Variants in LOC400499 observed in about 807,000 individuals in gnomAD.
the LOC400499 span, among the ~76,000 whole-genome samples, chr16:11,518,556 G>A: frequency 6.6e-6 from 1 of 152,098 alleles, no homozygotes; most frequent in African/African-American, 2.4e-5. Flanking sequence ...ATCGGCAGGT[G>A]TGAAATCTGG....
At chr16:11,427,909 G>A in the LOC400499 span, among the ~76,000 whole-genome samples, 1 of 152,166 alleles carries the variant, frequency 6.6e-6, no homozygotes, top group African/African-American at 2.4e-5. Context: ...AACTCACTCT[G>A]AAAAGCGTCA....
chr16:11,438,913 A>C, the LOC400499 span, among the ~76,000 whole-genome samples: 1 of 152,172 alleles, frequency 6.6e-6, no homozygotes, highest in Non-Finnish European at 1.5e-5. Flanking sequence ...TGGGCAACAT[A>C]GTGAGACCCC....
At chr16:11,501,475 GC>G in the LOC400499 span, among the ~76,000 whole-genome samples, 1 of 152,082 alleles carries the variant, frequency 6.6e-6, no homozygotes, top group African/African-American at 2.4e-5. Flanking sequence ...CTCCCACTCA[GC>G]CTCCCAAGTA....
chr16:11,382,979 AC>A, the LOC400499 span, among the ~76,000 whole-genome samples: 1 of 152,124 alleles, frequency 6.6e-6, no homozygotes, highest in Non-Finnish European at 1.5e-5. Context: ...CTGTACAAGC[AC>A]GCCTCCAGCA....
chr16:11,403,052 C>A, the LOC400499 span, among the ~76,000 whole-genome samples: 1 of 152,008 alleles, frequency 6.6e-6, no homozygotes, highest in African/African-American at 2.4e-5. Flanking sequence ...TTCCTCTGTC[C>A]CCCAGGTGAG....
the LOC400499 span, among the ~76,000 whole-genome samples, chr16:11,526,427 T>C: frequency 2.0e-5 from 3 of 152,338 alleles, no homozygotes; most frequent in East Asian, 5.8e-4. Context: ...CAAATATGTT[T>C]GAAACAACTT....
the LOC400499 span, among the ~76,000 whole-genome samples, chr16:11,459,009 C>T: frequency 6.6e-5 from 10 of 151,308 alleles, no homozygotes; most frequent in African/African-American, 2.4e-4. Flanking sequence ...TGCACTCCAG[C>T]CTGGGCGACA....
chr16:11,491,415 T>C, the LOC400499 span, among the ~76,000 whole-genome samples: 1 of 152,128 alleles, frequency 6.6e-6, no homozygotes, highest in Non-Finnish European at 1.5e-5. Context: ...GCCTCACTGA[T>C]TCCCATCCTA....
chr16:11,412,393 A>G, the LOC400499 span, among the ~76,000 whole-genome samples: 2 of 152,194 alleles, frequency 1.3e-5, no homozygotes, highest in Non-Finnish European at 2.9e-5. Context: ...CTTTGCTGAA[A>G]GTCCCTGGGG....
At chr16:11,497,781 AC>A in the LOC400499 span, among the ~76,000 whole-genome samples, 1 of 152,178 alleles carries the variant, frequency 6.6e-6, no homozygotes, top group Non-Finnish European at 1.5e-5. Context: ...TTTCACAAAA[AC>A]CAGAAACCAC....
the LOC400499 span, among the ~76,000 whole-genome samples, chr16:11,386,495 G>A: frequency 6.6e-6 from 1 of 152,336 alleles, no homozygotes; most frequent in Middle Eastern, 3.4e-3. Context: ...CTGGGCCTGG[G>A]TGTGAGTCCC....
At chr16:11,457,687 G>A in the LOC400499 span, among the ~76,000 whole-genome samples, 7 of 151,228 alleles carry the variant, frequency 4.6e-5, no homozygotes, top group Non-Finnish European at 1.0e-4. Flanking sequence ...GCAATAGAAA[G>A]AATCGAAAGC....
At chr16:11,389,901 C>T in the LOC400499 span, among the ~76,000 whole-genome samples, 1 of 152,106 alleles carries the variant, frequency 6.6e-6, no homozygotes, top group Non-Finnish European at 1.5e-5. Context: ...CTCCTGAAAT[C>T]CTGCCTACCC....
chr16:11,411,914 G>A, the LOC400499 span, among the ~76,000 whole-genome samples: 1 of 151,076 alleles, frequency 6.6e-6, no homozygotes, highest in Non-Finnish European at 1.5e-5. Flanking sequence ...CCAGGCTGGA[G>A]TGCAGTGGTG....
chr16:11,426,702 G>A, the LOC400499 span, among the ~76,000 whole-genome samples: 1 of 151,772 alleles, frequency 6.6e-6, no homozygotes, highest in Non-Finnish European at 1.5e-5. Flanking sequence ...GTTGAGGTAG[G>A]AGGATTGTTT....
the LOC400499 span, chr16:11,515,884 C>CCCCCCCCCCCCCCCCCA: frequency 2.5e-5 from 1 of 40,212 alleles, no homozygotes; most frequent in East Asian, 1.3e-4. Context: ...CAGCCCAGCC[C>CCCCCCCCCCCCCCCCCA]AGCCCAGCCT....
chr16:11,374,538 A>C, the LOC400499 span, among the ~76,000 whole-genome samples: 3 of 152,146 alleles, frequency 2.0e-5, no homozygotes, highest in Admixed American at 2.0e-4. Context: ...GTCTCTATGA[A>C]ACTTATTACT....
At chr16:11,508,431 G>A in the LOC400499 span, among the ~76,000 whole-genome samples, 11 of 152,222 alleles carry the variant, frequency 7.2e-5, no homozygotes, top group Admixed American at 6.5e-4. Context: ...ATTAGACTGT[G>A]AGTCAAAAGG....
At chr16:11,477,481 G>A in the LOC400499 span, among the ~76,000 whole-genome samples, 2 of 152,216 alleles carry the variant, frequency 1.3e-5, no homozygotes, top group African/African-American at 4.8e-5. Context: ...GAAGCACCAG[G>A]CTTGGTTGGT....
Sources: gnomAD v4.1 joint callset for allele counts (sites outside exome capture counted in the v4.1 genomes callset) on GRCh38, gnomAD v4.1.1 for gene constraint, MANE v1.5 for transcripts.